Variants in TRDN observed in about 807,000 individuals in gnomAD.
TRDN encodes triadin in skeletal muscle.
Under a neutral mutation model 149.7 loss-of-function variants are expected in TRDN, and 161 were observed. The ratio of observed to expected loss-of-function variants is 1.08; its 90% CI spans 0.95 to 1.23. The LOEUF (loss-of-function observed/expected upper bound fraction) is 1.23, where lower values mean the gene tolerates loss of function less well. Ranked by LOEUF, TRDN falls within the 50% of genes most tolerant of loss-of-function variation. The probability of loss-of-function intolerance (pLI) is 0.00; values close to 1 mark genes in which losing one functional copy is unlikely to be tolerated. For missense variants in TRDN, 896 were observed against 823.5 expected (o/e 1.09, Z -1.08); for synonymous variants, 294 against 250.5 (o/e 1.17, Z -1.64).
At chr6:123,318,569 A>G (rs992073292) in intron 23 of TRDN, among the ~76,000 whole-genome samples, 2 of 152,016 alleles carry the variant, frequency 1.3e-5, no homozygotes, top group African/African-American at 4.8e-5. Flanking sequence ...TAATTTGAAT[A>G]TTTGGATTTC....
At chr6:123,442,819 A>G (rs1160316556) in intron 10 of TRDN, among the ~76,000 whole-genome samples, 1 of 152,098 alleles carries the variant, frequency 6.6e-6, no homozygotes, top group Admixed American at 6.5e-5. Context: ...AATATTTTGT[A>G]TTAAGAAACT....
At chr6:123,242,277 A>T (rs986337305) in intron 38 of TRDN, among the ~76,000 whole-genome samples, 1 of 152,168 alleles carries the variant, frequency 6.6e-6, no homozygotes, top group African/African-American at 2.4e-5. Flanking sequence ...AGTTTTCAAA[A>T]AATTTAAAAT....
At chr6:123,354,742 T>C (rs1404965693) in intron 20 of TRDN, among the ~76,000 whole-genome samples, 4 of 151,616 alleles carry the variant, frequency 2.6e-5, no homozygotes, top group African/African-American at 7.2e-5. Flanking sequence ...AAATAAAAGA[T>C]TAGACAGTGT....
At chr6:123,554,638 A>T (rs938397758) in intron 2 of TRDN, among the ~76,000 whole-genome samples, 1 of 152,188 alleles carries the variant, frequency 6.6e-6, no homozygotes, top group South Asian at 2.1e-4. Flanking sequence ...TTGAAGGTAA[A>T]CAAATTTCTT....
chr6:123,413,358 T>A (rs1240995447), intron 12 of TRDN, among the ~76,000 whole-genome samples: 1 of 152,178 alleles, frequency 6.6e-6, no homozygotes, highest in Non-Finnish European at 1.5e-5. Context: ...TGTCTGGACT[T>A]TCTGGCATCA....
chr6:123,491,843 T>C (rs1292650135), intron 9 of TRDN, among the ~76,000 whole-genome samples: 1 of 152,138 alleles, frequency 6.6e-6, no homozygotes, highest in Non-Finnish European at 1.5e-5. Flanking sequence ...TGGAGCAGGA[T>C]TTTTTTCAGA....
rs1448965516 is a variant in TRDN, at chr6:123,266,269, AGTAATATAT to A, written c.1784-940_1784-932del. On this transcript the variant is annotated intron_variant, in intron 32 of 40. Coordinates refer to ENST00000334268, the MANE Select transcript of TRDN (RefSeq NM_006073.4). ...ATAATATATATTATATATTATATAT[AGTAATATAT>A]ATTATATGTAATATGTATTATATAT... Among the ~76,000 whole-genome samples the A allele has an allele frequency of 1.8e-3, 53 of 29,498 alleles. 1 individual carries two copies. Among genetic ancestry groups the A allele is most frequent in the East Asian group, 3.3e-3 (3 of 906 alleles). 19.4% of individuals were successfully genotyped at this position (29,498 alleles called of 152,430 possible).
chr6:123,353,830 G>A (rs1023598329), intron 20 of TRDN, among the ~76,000 whole-genome samples: 1 of 151,708 alleles, frequency 6.6e-6, no homozygotes, highest in Admixed American at 6.6e-5. Context: ...CAAACCATGT[G>A]ACTGTGAAGC....
At chr6:123,497,700 G>A (rs1183769201) in intron 8 of TRDN, among the ~76,000 whole-genome samples, 2 of 152,076 alleles carry the variant, frequency 1.3e-5, no homozygotes, top group Admixed American at 1.3e-4. Context: ...TTGTCTCTAT[G>A]GAGCAGCAGA....
At chr6:123,344,091 G>A (rs1380751346) in intron 21 of TRDN, among the ~76,000 whole-genome samples, 1 of 152,020 alleles carries the variant, frequency 6.6e-6, no homozygotes, top group Non-Finnish European at 1.5e-5. Context: ...CCTGATTTTA[G>A]GCTTCCAGCC....
In TRDN at chr6:123,216,736, T is replaced by G. The variant is rs1774982806; in HGVS notation, c.*1865A>C. On this transcript the variant is annotated 3_prime_UTR_variant, in exon 41 of 41. Transcript: ENST00000334268. ...GGAGAAACAAACATAGTATGTTTAGTAAATTTTTCAAGGTCATTCACTATG... is the reference window on the plus strand; with the variant it reads ...GGAGAAACAAACATAGTATGTTTAGGAAATTTTTCAAGGTCATTCACTATG... 6.6e-6 allele frequency: 1 copy of G among 151,956 alleles called. No individual in the cohort carries two copies. The highest frequency in any genetic ancestry group is 2.1e-4 in the South Asian group (1 of 4,828). The allele number at this position is 151,956 out of a possible 1,614,324, so 9.4% of individuals were successfully genotyped here.
chr6:123,454,727 C>T (rs1775998685), intron 10 of TRDN, among the ~76,000 whole-genome samples: 1 of 152,198 alleles, frequency 6.6e-6, no homozygotes, highest in Admixed American at 6.5e-5. Flanking sequence ...GCATTAGATT[C>T]TCATAGGAGA....
At chr6:123,250,012 C>A (rs1462434772) in intron 38 of TRDN, among the ~76,000 whole-genome samples, 2 of 151,994 alleles carry the variant, frequency 1.3e-5, no homozygotes, top group Non-Finnish European at 2.9e-5. Flanking sequence ...TTGCAGAATA[C>A]AAAATCAACA....
chr6:123,630,622 G>A (rs1197287555), intron 1 of TRDN, among the ~76,000 whole-genome samples: 1 of 151,804 alleles, frequency 6.6e-6, no homozygotes, highest in Non-Finnish European at 1.5e-5. Context: ...AAACATTTAA[G>A]CTCATAAACG....
At chr6:123,470,054 A>T (rs953297571) in intron 9 of TRDN, 4 of 152,230 alleles carry the variant, frequency 2.6e-5, no homozygotes, top group Non-Finnish European at 4.4e-5. Context: ...TTTGTTCTGG[A>T]TATGGTATGT....
At chr6:123,496,541 G>C (rs994937554) in intron 9 of TRDN, among the ~76,000 whole-genome samples, 1 of 151,914 alleles carries the variant, frequency 6.6e-6, no homozygotes, top group Non-Finnish European at 1.5e-5. Flanking sequence ...TCTGCAAAAG[G>C]CATAGTACAA....
intron 38 of TRDN, among the ~76,000 whole-genome samples, chr6:123,244,374 A>G (rs187829679): frequency 6.6e-6 from 1 of 152,314 alleles, no homozygotes; most frequent in Non-Finnish European, 1.5e-5. Flanking sequence ...GCTGCTAACT[A>G]GAATAACCAG....
intron 7 of TRDN, among the ~76,000 whole-genome samples, chr6:123,510,642 CTT>C (rs145396385): frequency 0.8 from 111,164 of 138,434 alleles, 44,570 homozygotes; most frequent in East Asian, 0.85. Context: ...TGCATGACCA[CTT>C]TTTTTTTTTT....
intron 22 of TRDN, 121 bp from the exon 23 acceptor site, chr6:123,332,050 C>T: frequency 2.9e-6 from 2 of 681,398 alleles, no homozygotes. Flanking sequence ...CTTTATAATG[C>T]ACTTTAAAAA....
Sources: gnomAD v4.1 joint callset for allele counts (sites outside exome capture counted in the v4.1 genomes callset) on GRCh38, gnomAD v4.1.1 for gene constraint, MANE v1.5 for transcripts, NCBI Gene and HGNC (gene_info 2026-07-23, HGNC 2026-07-21) for gene names.